CNKSR1: variants seen among roughly 807,000 people sequenced by gnomAD.
CNKSR1 encodes the protein CNK homolog protein 1.
Under a neutral mutation model 95.6 loss-of-function variants are expected in CNKSR1, and 88 were observed. That is an observed-to-expected ratio of 0.92 (90% CI 0.78 to 1.10). CNKSR1 has a LOEUF of 1.10. CNKSR1 is among the 50% of genes least tolerant of loss of function. The probability of loss-of-function intolerance (pLI) is 0.00; values close to 1 mark genes in which losing one functional copy is unlikely to be tolerated. For missense variants in CNKSR1, 836 were observed against 912.0 expected, an observed-to-expected ratio of 0.92 and a Z score of 1.07; for synonymous variants, 355 against 369.7, an observed-to-expected ratio of 0.96 and a Z score of 0.46.
At chr1:26,185,688 G>A (rs543602406) in intron 14 of CNKSR1, among the ~76,000 whole-genome samples, 16 of 151,776 alleles carry the variant, frequency 1.1e-4, no homozygotes, top group Admixed American at 1.3e-4. Context: ...CACCACACCC[G>A]GCCCTGAAAA....
chr1:26,180,791 T>C lies in CNKSR1; in HGVS notation c.287T>C (p.Ile96Thr). ...GGGGCAACCCATGACTTCCAGAGCA[T>C]AGTCCAAGGCTGCCTGGGGGACTGT... ...LLGATHDFQS[I>T]VQGCLGDCAK... The change falls in exon 3 of 21, where the codon ATA (isoleucine) becomes ACA (threonine). Residue 96 changes from isoleucine (I) to threonine (T), a missense_variant. Physicochemically the swap from Ile to Thr is moderately conservative, Grantham distance 89. Coordinates refer to ENST00000361530, the MANE Select transcript of CNKSR1 (RefSeq NM_006314.3). The C allele has an allele frequency of 6.2e-7, 1 of 1,614,214 alleles. No homozygotes were observed. Among genetic ancestry groups the C allele is most frequent in the Non-Finnish European group, 8.5e-7 (1 of 1,180,030 alleles).
chr1:26,187,969 C>T (rs1274256875), intron 16 of CNKSR1, among the ~76,000 whole-genome samples: 1 of 151,820 alleles, frequency 6.6e-6, no homozygotes, highest in Non-Finnish European at 1.5e-5. Flanking sequence ...TGGGTTTGCC[C>T]TAGCTGGTCT....
chr1:26,177,672 G>T, intron 1 of CNKSR1, 73 bp downstream of exon 1: 1 of 1,567,854 alleles, frequency 6.4e-7, no homozygotes, highest in South Asian at 1.1e-5. Context: ...CGGGAGGAGA[G>T]GAAAAGGAAA....
Position 26,177,593 on chromosome 1 carries a change from C to CT in CNKSR1, c.47dup (p.Arg17GlufsTer4). 6.2e-7 allele frequency: 1 copy of CT among 1,613,994 alleles called. No homozygotes were observed. Among genetic ancestry groups the CT allele is most frequent in the Non-Finnish European group, 8.5e-7 (1 of 1,179,996 alleles). On this transcript the variant is annotated frameshift_variant, in exon 1 of 21. Transcript: ENST00000361530. LOFTEE classifies it high-confidence loss of function. Reference sequence around the variant, plus strand: ...GACCCCCGGAAAGGTGGCAACTTGGCTGAGAGGTGGGTGGGGCTGGGGTAG... The same window carrying CT: ...GACCCCCGGAAAGGTGGCAACTTGGCTTGAGAGGTGGGTGGGGCTGGGGTAG...
chr1:26,186,688 C>T (rs2088757242), intron 14 of CNKSR1, among the ~76,000 whole-genome samples: 1 of 151,952 alleles, frequency 6.6e-6, no homozygotes. Context: ...GTTGGCCAGG[C>T]TGGTCTCGAA....
chr1:26,188,106 T>C, intron 16 of CNKSR1, 128 bp from the exon 17 acceptor site: 1 of 803,522 alleles, frequency 1.2e-6, no homozygotes, highest in South Asian at 1.4e-5. Context: ...ATAAAATGGG[T>C]GACTAAGAGT....
At position 26,189,780 on chromosome 1, in the gene CNKSR1, C is replaced by T; in HGVS notation, c.*232C>T. 1.4e-6 allele frequency: 1 copy of T among 697,000 alleles called. No individual in the cohort carries two copies. The highest frequency in any genetic ancestry group is 2.6e-6 in the Non-Finnish European group (1 of 383,012). The allele number at this position is 697,000 out of a possible 1,614,324, so 43.2% of individuals were successfully genotyped here. ...CCAACCTCTGGGGCCACAGCCCTGC[C>T]CCTCCAGTTCCTTGGCAGTTCTCCC... On this transcript the variant is annotated 3_prime_UTR_variant, in exon 21 of 21. Transcript: ENST00000361530.
rs1294973163 is a variant in CNKSR1 at position 26,180,907 on chromosome 1, TG to T, written c.392+15del. On this transcript the variant is annotated intron_variant, in intron 3 of 20. Transcript: ENST00000361530. ...CTTCTGGCTCAGCAGGTACCCGGGT[TG>T]GGGTGACGAGTGAGGGACTATTGTC... is the stretch of plus-strand genomic sequence containing the variant. 1 of 1,613,786 alleles carries T rather than the reference TG, an allele frequency of 6.2e-7. No homozygotes were observed. Among genetic ancestry groups the T allele is most frequent in the Non-Finnish European group, 8.5e-7 (1 of 1,179,784 alleles).
intron 1 of CNKSR1, among the ~76,000 whole-genome samples, chr1:26,177,844 G>C (rs2088587273): frequency 6.6e-6 from 1 of 152,184 alleles, no homozygotes; most frequent in South Asian, 2.1e-4. Flanking sequence ...GCAGGTGCCT[G>C]TAATCCCAGC....
intron 1 of CNKSR1, chr1:26,180,152 G>T: frequency 2.1e-6 from 1 of 468,038 alleles, no homozygotes. Flanking sequence ...AGACTGCTGG[G>T]CCCCAACCTC....
chr1:26,180,378 T>C (rs2088625861), intron 1 of CNKSR1, 75 bp from the exon 2 acceptor site: 1 of 1,564,756 alleles, frequency 6.4e-7, no homozygotes, highest in Non-Finnish European at 8.8e-7. Context: ...GAAAAGAGCT[T>C]TGCAGGCATG....
rs772012166 is a variant in CNKSR1 at position 26,188,428 on chromosome 1, G to C, written c.1529-14G>C. ...CCTGGCCTCCCAAAAACCCACTGCT[G>C]CTCCTCACCCCAGACTGCTACAGTG... is the stretch of plus-strand genomic sequence containing the variant. On this transcript the variant is annotated splice_polypyrimidine_tract_variant and intron_variant, in intron 17 of 20. Transcript: ENST00000361530. 1 of 1,605,586 alleles carries C rather than the reference G, an allele frequency of 6.2e-7. No individual in the cohort carries two copies. Among genetic ancestry groups the C allele is most frequent in the Non-Finnish European group, 8.5e-7 (1 of 1,176,142 alleles).
chr1:26,182,111 T>A, intron 4 of CNKSR1, 170 bp downstream of exon 4: 1 of 764,514 alleles, frequency 1.3e-6, no homozygotes, highest in Non-Finnish European at 2.2e-6. Flanking sequence ...TGGGGTCCCC[T>A]AGCTGGCAGG....
intron 14 of CNKSR1, among the ~76,000 whole-genome samples, chr1:26,186,357 G>A (rs1305112106): frequency 1.3e-5 from 2 of 152,256 alleles, no homozygotes; most frequent in African/African-American, 4.8e-5. Flanking sequence ...CTGGAGGGCA[G>A]TGGCATGATC....
Position 26,180,765 on chromosome 1 carries a change from G to A in CNKSR1, c.261G>A (p.Leu87=). ...TGCAAAGCCTGACAGAGGGACTTCT[G>A]GGGGCAACCCATGACTTCCAGAGCA... ...ENLQSLTEGL[L]GATHDFQSIV... Residue 87 remains leucine, a synonymous_variant, in exon 3 of 21, where the codon CTG becomes CTA. Transcript: ENST00000361530. The A allele has an allele frequency of 6.2e-7, 1 of 1,614,212 alleles. No individual in the cohort carries two copies. The highest frequency in any genetic ancestry group is 1.1e-5 in the South Asian group (1 of 91,084).
chr1:26,185,072 C>T lies in CNKSR1; in HGVS notation c.1194C>T (p.Asp398=), dbSNP rs200933964. 1 of 1,605,794 alleles carries T rather than the reference C, an allele frequency of 6.2e-7. No individual in the cohort carries two copies. ...RVSCRELGRP[D]CDGWLLLRKA... ...CATGCCGTGAGCTGGGCCGGCCGGA[C>T]TGTGACGGCTGGCTCCTGTTGCGAA... The change falls in exon 14 of 21, where the codon GAC becomes GAT. Residue 398 remains aspartate, a synonymous_variant. Transcript: ENST00000361530.
Position 26,183,809 on chromosome 1 carries a change from G to C in CNKSR1, c.834G>C (p.Pro278=). The C allele has an allele frequency of 6.2e-7, 1 of 1,610,382 alleles. No individual in the cohort carries two copies. The highest frequency in any genetic ancestry group is 8.5e-7 in the Non-Finnish European group (1 of 1,177,546). The change falls in exon 9 of 21, where the codon CCG becomes CCC. Residue 278 remains proline, a synonymous_variant. Transcript: ENST00000361530. The part of the protein sequence containing the change: ...AGLSLVLKKI[P]IPETPPQTPP... Reference sequence around the variant, plus strand: ...TCAGCTTAGTGCTGAAGAAGATCCCGATACCGGAGACCCCCCCACAGGTAC... The same window carrying C: ...TCAGCTTAGTGCTGAAGAAGATCCCCATACCGGAGACCCCCCCACAGGTAC...
rs1209926869 is a variant in CNKSR1 at position 26,185,245 on chromosome 1, C to G, written c.1308+59C>G. The stretch of plus-strand genomic sequence containing the variant: ...TGAGTCACTTCCAGGCCTCGATTCT[C>G]ATCTCTATTCTATCATCCACTCTTA... On this transcript the variant is annotated intron_variant, in intron 14 of 20. Transcript: ENST00000361530. 2.7e-6 allele frequency: 4 copies of G among 1,496,192 alleles called. No individual in the cohort carries two copies. The African/African-American group carries it at 5.6e-5, about 21-fold the overall frequency. The allele number at this position is 1,496,192 out of a possible 1,614,324, so 92.7% of individuals were successfully genotyped here.
chr1:26,184,489 C>T lies in CNKSR1; in HGVS notation c.1089C>T (p.Leu363=). 6.2e-7 allele frequency: 1 copy of T among 1,612,250 alleles called. No individual in the cohort carries two copies. Among genetic ancestry groups the T allele is most frequent in the South Asian group, 1.1e-5 (1 of 90,644 alleles). Residue 363 remains leucine (L), a synonymous_variant, in exon 12 of 21, where the codon CTC becomes CTT. Transcript: ENST00000361530. ...CAGGGGTAGCAGGGACTCCAGGGCT[C>T]CCTGAATCCCCTGACAAGGTAAGCT... ...LPAGVAGTPG[L]PESPDKSPVG... is the part of the protein sequence containing the mutation.
Sources: gnomAD v4.1 joint callset for allele counts (sites outside exome capture counted in the v4.1 genomes callset) on GRCh38, gnomAD v4.1.1 for gene constraint, MANE v1.5 for transcripts, NCBI Gene and HGNC (gene_info 2026-07-23, HGNC 2026-07-21) for gene names.